KCND2: variants seen among roughly 807,000 people sequenced by gnomAD.
KCND2 encodes potassium voltage-gated channel subfamily D member 2, also known as A-type voltage-gated potassium channel KCND2.
A neutral mutation model predicts 54.4 loss-of-function variants in KCND2; 16 were observed. The ratio of observed to expected loss-of-function variants is 0.29; its 90% CI spans 0.20 to 0.45. KCND2 has a LOEUF of 0.45. Among genes scored for constraint, KCND2 ranks in the 20% least tolerant of loss-of-function variants. The pLI is 1.00. For synonymous variants in KCND2, 317 were observed against 310.7 expected (o/e 1.02, Z -0.21); for missense variants, 486 against 824.2 (o/e 0.59, Z 5.02).
chr7:120,650,164 C>T (rs1584869259), intron 1 of KCND2, among the ~76,000 whole-genome samples: 1 of 146,290 alleles, frequency 6.8e-6, no homozygotes. Context: ...TGTTGGCTTG[C>T]CTTGCTAGGT....
rs139942149 is a variant in KCND2 at position 120,282,090 on chromosome 7, G to A, written c.1115+6343G>A. ...TTCTGGTGAAGTCCAGGTAAATTGCGGATGCCTTTGGGAAGCATATGGAGA... is the reference window on the plus strand; with the variant it reads ...TTCTGGTGAAGTCCAGGTAAATTGCAGATGCCTTTGGGAAGCATATGGAGA... On this transcript the variant is annotated intron_variant, in intron 1 of 5. Coordinates refer to ENST00000331113, the MANE Select transcript of KCND2 (RefSeq NM_012281.3). Among the ~76,000 whole-genome samples, 114 of 152,116 alleles carry A rather than the reference G, an allele frequency of 7.5e-4. 1 individual carries two copies. The highest frequency in any genetic ancestry group is 3.3e-3 in the East Asian group (17 of 5,172).
chr7:120,578,916 T>TCACACACACACACACACA lies in KCND2; in HGVS notation c.1116-153979_1116-153962dup, dbSNP rs111758455. Among the ~76,000 whole-genome samples, 100 of 146,864 alleles carry TCACACACACACACACACA rather than the reference T, an allele frequency of 6.8e-4. 1 individual carries two copies. The highest frequency in any genetic ancestry group is 2.3e-3 in the African/African-American group (92 of 39,814). On this transcript the variant is annotated intron_variant, in intron 1 of 5. Coordinates refer to ENST00000331113, the MANE Select transcript of KCND2 (RefSeq NM_012281.3). ...CTGGGTGACAGAGCAAGACCCTGTC[T>TCACACACACACACACACA]CACACACACACACACACACACACAC...
At chr7:120,568,767 G>A (rs901939575) in intron 1 of KCND2, among the ~76,000 whole-genome samples, 3 of 152,032 alleles carry the variant, frequency 2.0e-5, no homozygotes, top group Admixed American at 6.6e-5. Flanking sequence ...TACTTCATAG[G>A]GTTGCTTTGA....
At chr7:120,732,358 T>TGA (rs568152247) in intron 1 of KCND2, among the ~76,000 whole-genome samples, 1 of 152,150 alleles carries the variant, frequency 6.6e-6, no homozygotes, top group South Asian at 2.1e-4. Context: ...AAGCTACAAA[T>TGA]GAGAGATTGA....
intron 1 of KCND2, among the ~76,000 whole-genome samples, chr7:120,305,662 C>G (rs1193232012): frequency 5.9e-5 from 9 of 152,088 alleles, no homozygotes. Context: ...TTTTCCCAAC[C>G]CTCCCAAGTA....
chr7:120,489,291 A>G (rs199966020), intron 1 of KCND2, among the ~76,000 whole-genome samples: 1 of 152,212 alleles, frequency 6.6e-6, no homozygotes, highest in East Asian at 1.9e-4. Flanking sequence ...AACTAGATAG[A>G]TGCATAAGTC....
chr7:120,319,249 C>G (rs1010087110), intron 1 of KCND2, among the ~76,000 whole-genome samples: 4 of 152,154 alleles, frequency 2.6e-5, no homozygotes, highest in African/African-American at 9.6e-5. Context: ...AAAATAATCT[C>G]AGGCATCCCT....
intron 1 of KCND2, among the ~76,000 whole-genome samples, chr7:120,727,466 T>A (rs1228481459): frequency 1.3e-5 from 2 of 152,186 alleles, no homozygotes; most frequent in African/African-American, 2.4e-5. Flanking sequence ...TGAGATTTAG[T>A]ATTAAGTAGA....
chr7:120,691,415 A>C (rs1458274255), intron 1 of KCND2, among the ~76,000 whole-genome samples: 1 of 152,160 alleles, frequency 6.6e-6, no homozygotes, highest in Non-Finnish European at 1.5e-5. Flanking sequence ...ATTGGACAGT[A>C]AATATATTTC....
At chr7:120,382,994 C>T (rs1027895656) in intron 1 of KCND2, among the ~76,000 whole-genome samples, 1 of 151,946 alleles carries the variant, frequency 6.6e-6, no homozygotes, top group African/African-American at 2.4e-5. Context: ...AATGACATTA[C>T]CTTTCCTGTC....
At chr7:120,309,221 C>A (rs1375041353) in intron 1 of KCND2, among the ~76,000 whole-genome samples, 3 of 152,000 alleles carry the variant, frequency 2.0e-5, no homozygotes, top group African/African-American at 7.2e-5. Flanking sequence ...TCTGCATCCA[C>A]GCAATCGCTC....
At chr7:120,702,705 C>T (rs1406336646) in intron 1 of KCND2, among the ~76,000 whole-genome samples, 1 of 152,124 alleles carries the variant, frequency 6.6e-6, no homozygotes, top group East Asian at 1.9e-4. Flanking sequence ...ACCACATGTT[C>T]TCACTTATAA....
intron 1 of KCND2, among the ~76,000 whole-genome samples, chr7:120,463,388 G>A (rs1408123803): frequency 1.3e-5 from 2 of 151,822 alleles, no homozygotes. Flanking sequence ...AGGTATATAA[G>A]CAAGCATTAA....
intron 1 of KCND2, among the ~76,000 whole-genome samples, chr7:120,698,207 G>A (rs984924179): frequency 6.6e-6 from 1 of 151,796 alleles, no homozygotes. Context: ...TATAAATGGG[G>A]TTTTGCCATG....
intron 1 of KCND2, among the ~76,000 whole-genome samples, chr7:120,622,496 TATAC>T (rs1346237843): frequency 2.6e-5 from 4 of 151,940 alleles, no homozygotes; most frequent in African/African-American, 4.8e-5. Flanking sequence ...TATATATATA[TATAC>T]AGTCTCATAA....
At chr7:120,507,261 T>C (rs1004205967) in intron 1 of KCND2, among the ~76,000 whole-genome samples, 12 of 151,972 alleles carry the variant, frequency 7.9e-5, no homozygotes, top group Admixed American at 7.2e-4. Context: ...CTTTTATGAA[T>C]AGGATTTATA....
intron 1 of KCND2, among the ~76,000 whole-genome samples, chr7:120,525,435 C>T (rs1016139010): frequency 6.6e-6 from 1 of 152,128 alleles, no homozygotes; most frequent in Non-Finnish European, 1.5e-5. Flanking sequence ...AGAAAACCTA[C>T]TTGTATTCAG....
rs73722560 is a variant in KCND2, at chr7:120,316,435, C to T, written c.1115+40688C>T. Among the ~76,000 whole-genome samples the T allele has an allele frequency of 4.8e-3, 727 of 152,294 alleles. 8 individuals carry two copies. The highest frequency in any genetic ancestry group is 0.017 in the African/African-American group (691 of 41,556). On this transcript the variant is annotated intron_variant, in intron 1 of 5. Transcript: ENST00000331113. ...TAATGTTTTTCATAACTACCTTGAA[C>T]TTACATTTAAATCAAAACTCATTTG...
intron 1 of KCND2, among the ~76,000 whole-genome samples, chr7:120,507,943 A>G (rs955215861): frequency 2.6e-5 from 4 of 151,862 alleles, no homozygotes; most frequent in Non-Finnish European, 5.9e-5. Context: ...TTGAAAGTTT[A>G]TTCTGAAGCT....
Sources: gnomAD v4.1 joint callset for allele counts (sites outside exome capture counted in the v4.1 genomes callset) on GRCh38, gnomAD v4.1.1 for gene constraint, MANE v1.5 for transcripts, NCBI Gene and HGNC (gene_info 2026-07-23, HGNC 2026-07-21) for gene names.